TBC1D32: variants seen among roughly 807,000 people sequenced by gnomAD.
The protein encoded by TBC1D32 is TBC1 domain family member 32.
TBC1D32 carries 151 observed loss-of-function variants against 170.3 expected under a neutral mutation model. The observed-to-expected ratio is 0.89, with a 90% CI of 0.78 to 1.01. The LOEUF is 1.01. TBC1D32 is among the 50% of genes least tolerant of loss of function. The probability of loss-of-function intolerance (pLI) is 0.00; values close to 1 mark genes in which losing one functional copy is unlikely to be tolerated. For missense variants in TBC1D32, 1,464 were observed against 1,457.1 expected, an observed-to-expected ratio of 1.00 and a Z score of -0.08; for synonymous variants, 498 against 488.0, an observed-to-expected ratio of 1.02 and a Z score of -0.27.
At chr6:121,314,624 C>T (rs550003586) in intron 3 of TBC1D32, among the ~76,000 whole-genome samples, 8 of 152,304 alleles carry the variant, frequency 5.3e-5, no homozygotes, top group Non-Finnish European at 7.3e-5. Flanking sequence ...ATAGCTTGCA[C>T]GCTATAAAAC....
At chr6:121,222,313 G>A (rs1794615708) in intron 21 of TBC1D32, among the ~76,000 whole-genome samples, 1 of 152,114 alleles carries the variant, frequency 6.6e-6, no homozygotes, top group African/African-American at 2.4e-5. Flanking sequence ...TATTGCGGTG[G>A]TATGGAACTG....
chr6:121,310,048 T>C (rs1178230515), intron 4 of TBC1D32, among the ~76,000 whole-genome samples: 1 of 151,552 alleles, frequency 6.6e-6, no homozygotes, highest in Non-Finnish European at 1.5e-5. Context: ...TATATATATA[T>C]ATAAAATTTT....
At chr6:121,160,681 A>T (rs936103508) in intron 23 of TBC1D32, among the ~76,000 whole-genome samples, 2 of 152,220 alleles carry the variant, frequency 1.3e-5, no homozygotes, top group Non-Finnish European at 2.9e-5. Context: ...AAGGCGCATA[A>T]GAAAAATAAC....
chr6:121,171,321 TAA>T (rs59558382), intron 22 of TBC1D32, among the ~76,000 whole-genome samples: 51 of 131,696 alleles, frequency 3.9e-4, no homozygotes, highest in Admixed American at 6.8e-4. Context: ...TCTTACAAGT[TAA>T]AAAAAAAAAA....
intron 1 of TBC1D32, among the ~76,000 whole-genome samples, chr6:121,328,467 G>A (rs144707413): frequency 0.15 from 22,170 of 150,070 alleles, 2,362 homozygotes; most frequent in East Asian, 0.52. Flanking sequence ...TTTTTTTTTA[G>A]TAGAGACGGG....
In TBC1D32 at chr6:121,204,023, T is replaced by C. The variant is rs191441031; in HGVS notation, c.2570+1052A>G. ...AAAAAAAAGAAATTTGCTCAGTATA[T>C]CAACAACAAGAGGCCAAAATCGATG... is the stretch of plus-strand genomic sequence containing the variant. On this transcript the variant is annotated intron_variant, in intron 22 of 31. Coordinates refer to ENST00000398212, the MANE Select transcript of TBC1D32 (RefSeq NM_152730.6). 7.4e-4 allele frequency among the ~76,000 whole-genome samples: 111 copies of C among 150,990 alleles called. 7 individuals are homozygous for C. Among genetic ancestry groups the C allele is most frequent in the African/African-American group, 2.7e-3 (109 of 40,574 alleles).
At position 121,126,444 on chromosome 6, in the gene TBC1D32, C is replaced by G; in HGVS notation, c.2917G>C (p.Glu973Gln). The G allele has an allele frequency of 6.2e-7, 1 of 1,612,026 alleles. No individual in the cohort carries two copies. Among genetic ancestry groups the G allele is most frequent in the Non-Finnish European group, 8.5e-7 (1 of 1,178,830 alleles). Residue 973 changes from glutamate to glutamine, a missense_variant, in exon 26 of 32, where the codon GAA becomes CAA. Coordinates refer to ENST00000398212, the MANE Select transcript of TBC1D32 (RefSeq NM_152730.6). ...TCAGTGAGATGAAGCACAAATTTTT[C>G]AAGTAATTCTATTAAGGCTGTAATA... ...ISGEALIELL[E>Q]KFVLHLTESP... is the part of the protein sequence containing the mutation.
chr6:121,328,939 T>C (rs1056804224), intron 1 of TBC1D32, among the ~76,000 whole-genome samples: 5 of 152,160 alleles, frequency 3.3e-5, no homozygotes, highest in Non-Finnish European at 7.4e-5. Context: ...GAATGCAAAA[T>C]ATCTTTTACA....
chr6:121,310,361 T>C (rs1583691710), intron 4 of TBC1D32, among the ~76,000 whole-genome samples: 1 of 152,182 alleles, frequency 6.6e-6, no homozygotes, highest in Non-Finnish European at 1.5e-5. Flanking sequence ...AAGACGAATA[T>C]ACACGATTTT....
intron 22 of TBC1D32, among the ~76,000 whole-genome samples, chr6:121,177,458 G>C (rs569492152): frequency 6.6e-6 from 1 of 152,144 alleles, no homozygotes; most frequent in South Asian, 2.1e-4. Context: ...TTCTCGTATA[G>C]TCTGCAGAAC....
At chr6:121,323,763 A>C (rs1021293903) in intron 1 of TBC1D32, among the ~76,000 whole-genome samples, 28 of 152,146 alleles carry the variant, frequency 1.8e-4, no homozygotes, top group African/African-American at 6.8e-4. Context: ...AGTATGGTGA[A>C]ATCCCATTTC....
intron 21 of TBC1D32, among the ~76,000 whole-genome samples, chr6:121,219,889 G>A (rs1794297195): frequency 1.3e-5 from 2 of 152,124 alleles, no homozygotes; most frequent in African/African-American, 4.8e-5. Context: ...TCCGTTATGA[G>A]GACCTGTGAT....
intron 29 of TBC1D32, among the ~76,000 whole-genome samples, chr6:121,106,930 A>G (rs1385936789): frequency 6.6e-6 from 1 of 151,916 alleles, no homozygotes; most frequent in Non-Finnish European, 1.5e-5. Flanking sequence ...TGTACTGTGT[A>G]TTACTATAAA....
chr6:121,211,564 T>A (rs1793063652), intron 21 of TBC1D32, among the ~76,000 whole-genome samples: 1 of 152,204 alleles, frequency 6.6e-6, no homozygotes, highest in Non-Finnish European at 1.5e-5. Flanking sequence ...GAACATATGA[T>A]GTTTGGTTTT....
At chr6:121,251,925 A>T (rs947450773) in intron 17 of TBC1D32, among the ~76,000 whole-genome samples, 13 of 152,218 alleles carry the variant, frequency 8.5e-5, no homozygotes, top group Admixed American at 2.6e-4. Flanking sequence ...GAAGACAGCC[A>T]ACAAACATAT....
intron 17 of TBC1D32, 116 bp from the exon 18 acceptor site, chr6:121,242,455 G>C: frequency 1.1e-6 from 1 of 927,712 alleles, no homozygotes; most frequent in Non-Finnish European, 1.6e-6. Context: ...AGTATATATT[G>C]GTTGCAAATT....
At chr6:121,092,396 T>C (rs1776920292) in intron 30 of TBC1D32, among the ~76,000 whole-genome samples, 1 of 141,222 alleles carries the variant, frequency 7.1e-6, no homozygotes, top group South Asian at 2.4e-4. Context: ...AGGATACAGA[T>C]ATACAAAATT....
intron 17 of TBC1D32, among the ~76,000 whole-genome samples, chr6:121,254,581 T>C (rs1442443192): frequency 6.6e-6 from 1 of 150,950 alleles, no homozygotes; most frequent in Non-Finnish European, 1.5e-5. Flanking sequence ...TAACTATTTG[T>C]TGAACCATTA....
intron 22 of TBC1D32, among the ~76,000 whole-genome samples, chr6:121,181,028 A>C (rs562524961): frequency 6.6e-6 from 1 of 152,078 alleles, no homozygotes; most frequent in African/African-American, 2.4e-5. Flanking sequence ...GCAAATCAAA[A>C]CCCAAACAAG....
Sources: gnomAD v4.1 joint callset for allele counts (sites outside exome capture counted in the v4.1 genomes callset) on GRCh38, gnomAD v4.1.1 for gene constraint, MANE v1.5 for transcripts, NCBI Gene and HGNC (gene_info 2026-07-23, HGNC 2026-07-21) for gene names.